Variants in RASL12 observed in about 807,000 individuals in gnomAD.
RASL12 encodes RAS like family 12, also known as ras-like protein family member 12.
In RASL12, 16 loss-of-function variants were observed where a neutral mutation model predicts 22.9. The ratio of observed to expected loss-of-function variants is 0.70; its 90% confidence interval spans 0.47 to 1.06. RASL12 has a LOEUF of 1.06. RASL12 is among the 50% of genes least tolerant of loss of function. The pLI is 0.00. For synonymous variants in RASL12, 159 were observed against 152.2 expected (o/e 1.04, Z -0.33); for missense variants, 306 against 353.1 (o/e 0.87, Z 1.07).
downstream of RASL12, chr15:65,049,731 A>C (rs530945471): frequency 3.2e-4 from 100 of 314,180 alleles, no homozygotes; most frequent in East Asian, 4.5e-3. Flanking sequence ...TAAATATTTG[A>C]GTCACTCCCA....
At position 65,054,472 on chromosome 15, in the gene RASL12, C is replaced by T; in HGVS notation, c.*427G>A. On this transcript the variant is annotated 3_prime_UTR_variant, in exon 5 of 5. Transcript: ENST00000220062. ...TCCCGTCCACCAGGTGGCACAAGGACCCCAGGCTGTCATTCCGCAGGCTGT... is the reference window on the plus strand; with the variant it reads ...TCCCGTCCACCAGGTGGCACAAGGATCCCAGGCTGTCATTCCGCAGGCTGT... 1.0e-6 allele frequency: 1 copy of T among 996,636 alleles called. No individual in the cohort carries two copies. Among genetic ancestry groups the T allele is most frequent in the Non-Finnish European group, 1.2e-6 (1 of 837,254 alleles). 61.7% of individuals were successfully genotyped at this position (996,636 alleles called of 1,614,324 possible). A position where few individuals can be genotyped will look rare whatever the true frequency, so the allele number is the denominator to read the frequency against.
rs1285879717 is a variant in RASL12 at position 65,053,924 on chromosome 15, A to G, written c.*975T>C. On this transcript the variant is annotated 3_prime_UTR_variant, in exon 5 of 5. Coordinates refer to ENST00000220062, the MANE Select transcript of RASL12 (RefSeq NM_016563.4). Reference sequence around the variant, plus strand: ...GCAAAATTTTGCTTTATTAACCCAAAATGCTTTAGGTTCTAAAGTGGGCTT... The same window carrying G: ...GCAAAATTTTGCTTTATTAACCCAAGATGCTTTAGGTTCTAAAGTGGGCTT... 8.1e-6 allele frequency: 8 copies of G among 985,786 alleles called. No homozygotes were observed. The highest frequency in any genetic ancestry group is 9.6e-6 in the Non-Finnish European group (8 of 829,948). The allele number at this position is 985,786 out of a possible 1,614,324, so 61.1% of individuals were successfully genotyped here. A position where few individuals can be genotyped will look rare whatever the true frequency, so the allele number is the denominator to read the frequency against.
At chr15:65,048,258 A>G in the RASL12 span, among the ~76,000 whole-genome samples, 1 of 152,090 alleles carries the variant, frequency 6.6e-6, no homozygotes, top group Non-Finnish European at 1.5e-5. Flanking sequence ...ACCTTGGCAT[A>G]TGAATGATCA....
Position 65,058,462 on chromosome 15 carries a change from C to G in RASL12, c.390G>C (p.Leu130=). ...AKETQRSIPA[L]LLGNKLDMAQ... ...CCATGTCCAGCTTGTTGCCCAGCAG[C>G]AGGGCAGGGATGCTGCGCTGTGTCT... Residue 130 remains leucine (L), a synonymous_variant, in exon 4 of 5, where the codon CTG becomes CTC. Coordinates refer to ENST00000220062, the MANE Select transcript of RASL12 (RefSeq NM_016563.4). 1.3e-6 allele frequency: 2 copies of G among 1,584,338 alleles called. No individual in the cohort carries two copies. Among genetic ancestry groups the G allele is most frequent in the Non-Finnish European group, 1.7e-6 (2 of 1,160,286 alleles).
In RASL12 at chr15:65,064,573, T is replaced by C. The variant is rs147023133; in HGVS notation, c.160+644A>G. ...TGGAAGAGAACACTGAGTGACCATC[T>C]TGAAGAATAATACCTATTTGTTTTT... On this transcript the variant is annotated intron_variant, in intron 2 of 4. Transcript: ENST00000220062. Among the ~76,000 whole-genome samples the C allele has an allele frequency of 5.7e-3, 869 of 152,268 alleles. 5 individuals carry two copies. Among genetic ancestry groups the C allele is most frequent in the Non-Finnish European group, 8.3e-3 (563 of 68,024 alleles).
chr15:65,059,544 G>A, intron 2 of RASL12, 126 bp from the exon 3 acceptor site: 1 of 719,086 alleles, frequency 1.4e-6, no homozygotes, highest in Non-Finnish European at 2.5e-6. Context: ...GGGACCACTG[G>A]AAAGTCCTTG....
At chr15:65,057,882 T>C (rs937589641) in intron 4 of RASL12, among the ~76,000 whole-genome samples, 6 of 152,162 alleles carry the variant, frequency 3.9e-5, no homozygotes, top group African/African-American at 1.4e-4. Flanking sequence ...GTGGCCACTC[T>C]TCTGACTTTC....
chr15:65,053,228 A>G, downstream of RASL12: 1 of 1,575,182 alleles, frequency 6.3e-7, no homozygotes, highest in Non-Finnish European at 8.6e-7. Flanking sequence ...CAGTGGCCTG[A>G]AACCTCTCAG....
chr15:65,075,494 T>C (rs1037522478), intron 1 of RASL12, among the ~76,000 whole-genome samples: 2 of 152,254 alleles, frequency 1.3e-5, no homozygotes, highest in African/African-American at 4.8e-5. Flanking sequence ...CTCCTGAGTC[T>C]GGTGGGGACG....
At position 65,058,596 on chromosome 15, in the gene RASL12, G is replaced by T; in HGVS notation, c.256C>A (p.Arg86Ser). The T allele has an allele frequency of 6.3e-7, 1 of 1,576,842 alleles. No homozygotes were observed. Among genetic ancestry groups the T allele is most frequent in the Non-Finnish European group, 8.7e-7 (1 of 1,155,092 alleles). Reference sequence around the variant, plus strand: ...AAGGCATGGGCCCAGTTCAGGTAGCGCTCGCAGTTCCTGGGGGTGTCCTGG... The same window carrying T: ...AAGGCATGGGCCCAGTTCAGGTAGCTCTCGCAGTTCCTGGGGGTGTCCTGG... ...ADLDTPRNCERYLNWAHAFLV... is the reference protein window; with the variant it reads ...ADLDTPRNCESYLNWAHAFLV... The change falls in exon 4 of 5, where the codon CGC (arginine) becomes AGC (serine). Residue 86 changes from arginine (R) to serine (S), a missense_variant. Arg to Ser is a moderately radical substitution (Grantham distance 110, BLOSUM62 -1). Transcript: ENST00000220062.
chr15:65,062,124 G>A (rs1294454738), intron 2 of RASL12, among the ~76,000 whole-genome samples: 1 of 152,008 alleles, frequency 6.6e-6, no homozygotes, highest in Non-Finnish European at 1.5e-5. Context: ...GAGAGCAAGA[G>A]GAGTGAGAAG....
At chr15:65,056,020 G>A (rs753328748) in intron 4 of RASL12, among the ~76,000 whole-genome samples, 2 of 152,234 alleles carry the variant, frequency 1.3e-5, no homozygotes, top group Non-Finnish European at 2.9e-5. Flanking sequence ...TAGAATATCC[G>A]GAACTTGGGA....
chr15:65,067,827 C>T lies in RASL12; in HGVS notation c.9G>A (p.Ser3=), dbSNP rs1163652631. 3.2e-6 allele frequency: 5 copies of T among 1,559,112 alleles called. No homozygotes were observed. The highest frequency in any genetic ancestry group is 5.0e-5 in the East Asian group (2 of 40,190). Residue 3 remains serine (S), a synonymous_variant, in exon 1 of 5, where the codon TCG becomes TCA. Coordinates refer to ENST00000220062, the MANE Select transcript of RASL12 (RefSeq NM_016563.4). The stretch of plus-strand genomic sequence containing the variant: ...TGCCCGCGCGGGGTTTTCCAAACAC[C>T]GAGGACATGGCGACGCCCTGGACGG... MS[S]VFGKPRAGSG...
chr15:65,057,948 G>A (rs2086753004), intron 4 of RASL12, among the ~76,000 whole-genome samples: 1 of 152,198 alleles, frequency 6.6e-6, no homozygotes, highest in South Asian at 2.1e-4. Flanking sequence ...TTGGCTGCCT[G>A]GAAGACCAAC....
rs748653739 is a variant in RASL12 at position 65,059,381 on chromosome 15, C to G, written c.198G>C (p.Gln66His). Residue 66 changes from glutamine (Q) to histidine (H), a missense_variant, in exon 3 of 5, where the codon CAG (glutamine) becomes CAC (histidine). Gln to His is a conservative substitution (Grantham distance 24). Coordinates refer to ENST00000220062, the MANE Select transcript of RASL12 (RefSeq NM_016563.4). ...TGTCCATGACCCTCAGGTGGACAGGCTGGTGGTCCACAGTCTCCTCGGAGC... is the reference window on the plus strand; with the variant it reads ...TGTCCATGACCCTCAGGTGGACAGGGTGGTGGTCCACAGTCTCCTCGGAGC... ...TYSSEETVDH[Q>H]PVHLRVMDTA... is the part of the protein sequence containing the mutation. The G allele has an allele frequency of 3.1e-6, 5 of 1,614,094 alleles. No homozygotes were observed. The Admixed American group carries it at 6.7e-5, about 22-fold the overall frequency.
At chr15:65,059,047 T>C (rs532084092) in intron 3 of RASL12, among the ~76,000 whole-genome samples, 1 of 152,208 alleles carries the variant, frequency 6.6e-6, no homozygotes, top group African/African-American at 2.4e-5. Flanking sequence ...ACCAGGAGCA[T>C]CTGTGTAAAC....
intron 1 of RASL12, among the ~76,000 whole-genome samples, chr15:65,075,670 A>C (rs979256779): frequency 7.3e-5 from 11 of 151,638 alleles, no homozygotes; most frequent in Admixed American, 2.6e-4. Context: ...GGCCCTGGAG[A>C]ACCTTTATGT....
At chr15:65,046,989 G>A in the RASL12 span, among the ~76,000 whole-genome samples, 1 of 152,138 alleles carries the variant, frequency 6.6e-6, no homozygotes, top group African/African-American at 2.4e-5. Flanking sequence ...GATCTGATTA[G>A]TTCCATTAAT....
At chr15:65,056,064 G>A (rs899044002) in intron 4 of RASL12, among the ~76,000 whole-genome samples, 1 of 152,054 alleles carries the variant, frequency 6.6e-6, no homozygotes, top group Non-Finnish European at 1.5e-5. Context: ...AAAGCCATGG[G>A]AATCGAGGCG....
Sources: allele counts gnomAD v4.1 joint callset (sites outside exome capture counted in the v4.1 genomes callset), GRCh38; gene constraint gnomAD v4.1.1; transcripts MANE v1.5; gene names NCBI Gene and HGNC (gene_info 2026-07-23, HGNC 2026-07-21).